The following LOC400499 variants were observed in gnomAD, a reference collection of about 807,000 sequenced individuals.
At chr16:11,414,994 G>A in the LOC400499 span, among the ~76,000 whole-genome samples, 1 of 152,176 alleles carries the variant, frequency 6.6e-6, no homozygotes, top group Non-Finnish European at 1.5e-5. Flanking sequence ...ATGCAGCGGG[G>A]GTGCAGTGAG....
the LOC400499 span, among the ~76,000 whole-genome samples, chr16:11,486,280 T>G: frequency 5.5e-5 from 7 of 126,330 alleles, 1 homozygote; most frequent in Non-Finnish European, 8.0e-5. Context: ...GAGGGATGGA[T>G]GGATGGATGG....
the LOC400499 span, chr16:11,471,491 T>G: frequency 2.5e-6 from 1 of 396,880 alleles, no homozygotes; most frequent in Non-Finnish European, 4.4e-6. Flanking sequence ...CAGCCCCAGA[T>G]GGAGAATCAG....
At chr16:11,489,567 G>C in the LOC400499 span, among the ~76,000 whole-genome samples, 1 of 152,158 alleles carries the variant, frequency 6.6e-6, no homozygotes, top group Non-Finnish European at 1.5e-5. Context: ...CTCTTAGAAG[G>C]TCCAGTCAGG....
At chr16:11,467,766 T>G in the LOC400499 span, among the ~76,000 whole-genome samples, 35 of 152,204 alleles carry the variant, frequency 2.3e-4, no homozygotes, top group Non-Finnish European at 4.1e-4. Context: ...CTAAAAATAT[T>G]TGCAAATCTA....
chr16:11,407,970 GTTTTTTTTT>G, the LOC400499 span, among the ~76,000 whole-genome samples: 1 of 63,416 alleles, frequency 1.6e-5, no homozygotes, highest in East Asian at 5.9e-4. Flanking sequence ...TTCCAGAGCT[GTTTTTTTTT>G]TTTTTTTTTT....
chr16:11,456,890 G>A, the LOC400499 span: 5 of 1,536,204 alleles, frequency 3.3e-6, no homozygotes, highest in East Asian at 2.4e-5. Flanking sequence ...CCCGAGATGT[G>A]TCCTTCCACT....
chr16:11,522,158 C>G, the LOC400499 span: 16 of 398,886 alleles, frequency 4.0e-5, no homozygotes, highest in Non-Finnish European at 6.6e-5. Flanking sequence ...GAACCTGCAG[C>G]CCTCTGGGAT....
chr16:11,384,286 G>A, the LOC400499 span: 5 of 1,232,458 alleles, frequency 4.1e-6, no homozygotes, highest in African/African-American at 4.6e-5. Context: ...CTCATTGCCT[G>A]CTTCATTGTC....
chr16:11,385,374 T>C, the LOC400499 span: 2 of 1,232,230 alleles, frequency 1.6e-6, no homozygotes, highest in Non-Finnish European at 2.0e-6. Context: ...TACCCGGCCG[T>C]CGAAGGTCAC....
chr16:11,450,847 G>A, the LOC400499 span: 1 of 1,516,074 alleles, frequency 6.6e-7, no homozygotes, highest in Non-Finnish European at 8.8e-7. Context: ...AGGAGAATCT[G>A]GTACACGGGG....
At chr16:11,431,088 G>C in the LOC400499 span, 2 of 399,064 alleles carry the variant, frequency 5.0e-6, no homozygotes, top group Non-Finnish European at 4.4e-6. Context: ...TCAGGAGGCG[G>C]GGCATCGCTG....
At chr16:11,386,230 C>T in the LOC400499 span, among the ~76,000 whole-genome samples, 7 of 151,798 alleles carry the variant, frequency 4.6e-5, no homozygotes, top group South Asian at 4.1e-4. Context: ...CTAGCCAGTG[C>T]GGCCCCTGAG....
chr16:11,449,021 C>G, the LOC400499 span: 2 of 1,523,128 alleles, frequency 1.3e-6, no homozygotes. Flanking sequence ...CAGCATGGAT[C>G]TCGCCCTGCA....
chr16:11,503,685 G>T, the LOC400499 span, among the ~76,000 whole-genome samples: 1 of 152,164 alleles, frequency 6.6e-6, no homozygotes, highest in African/African-American at 2.4e-5. Context: ...CTGGTCACTC[G>T]GCCCACCTGC....
the LOC400499 span, chr16:11,384,876 G>T: frequency 1.4e-5 from 17 of 1,232,138 alleles, no homozygotes; most frequent in South Asian, 2.5e-4. Context: ...CCCTCCTGGG[G>T]CCCAGACCCA....
At chr16:11,384,918 A>G in the LOC400499 span, 1 of 1,232,216 alleles carries the variant, frequency 8.1e-7, no homozygotes, top group East Asian at 3.2e-5. Flanking sequence ...GTCAGGCTGC[A>G]GAGGCCGGTG....
the LOC400499 span, among the ~76,000 whole-genome samples, chr16:11,483,350 A>G: frequency 3.9e-5 from 6 of 152,208 alleles, no homozygotes; most frequent in Non-Finnish European, 8.8e-5. Context: ...ACTTGTACAC[A>G]AATATTCATA....
the LOC400499 span, among the ~76,000 whole-genome samples, chr16:11,458,586 G>C: frequency 6.6e-6 from 1 of 152,018 alleles, no homozygotes; most frequent in Non-Finnish European, 1.5e-5. Flanking sequence ...ACAGAAAGTA[G>C]AATGGTGCTT....
the LOC400499 span, chr16:11,393,645 G>C: frequency 1.9e-5 from 21 of 1,134,192 alleles, no homozygotes; most frequent in Non-Finnish European, 2.2e-5. Flanking sequence ...TCAGGAAGAG[G>C]CTGGCTGGGG....
Sources: allele counts gnomAD v4.1 joint callset (sites outside exome capture counted in the v4.1 genomes callset), GRCh38; gene constraint gnomAD v4.1.1; transcripts MANE v1.5.